The following MMP9 variants were observed in gnomAD, a reference collection of about 807,000 sequenced individuals.
MMP9 encodes the protein matrix metalloproteinase-9.
In MMP9, 73 loss-of-function variants were observed where a neutral mutation model predicts 76.4. That is an observed-to-expected ratio of 0.96 (90% confidence interval 0.79 to 1.16). The LOEUF (loss-of-function observed/expected upper bound fraction) is 1.16. Ranked by LOEUF, MMP9 falls within the 50% of genes most tolerant of loss-of-function variation. The probability of loss-of-function intolerance (pLI) is 0.00; values close to 1 mark genes in which losing one functional copy is unlikely to be tolerated. For synonymous variants in MMP9, 412 were observed against 408.4 expected (o/e 1.01, Z -0.11); for missense variants, 943 against 973.0 (o/e 0.97, Z 0.41).
At position 46,013,429 on chromosome 20, in the gene MMP9, C is replaced by A; in HGVS notation, c.1505C>A (p.Ser502Tyr). ...GPTGPPTAGP[S>Y]TATTVPLSPV... ...ACAGGTCCCCCCACTGCTGGCCCTTCTACGGCCACTACTGTGCCTTTGAGT... is the reference window on the plus strand; with the variant it reads ...ACAGGTCCCCCCACTGCTGGCCCTTATACGGCCACTACTGTGCCTTTGAGT... Residue 502 changes from serine to tyrosine, a missense_variant, in exon 9 of 13, where the codon TCT becomes TAT. By Grantham distance (144) the Ser-to-Tyr change is moderately radical. Transcript: ENST00000372330. The surrounding 1 kb of genome is among the most constrained non-coding windows in gnomAD (Gnocchi z 4.5). 1 of 1,614,028 alleles carries A rather than the reference C, an allele frequency of 6.2e-7. No individual in the cohort carries two copies. Among genetic ancestry groups the A allele is most frequent in the Non-Finnish European group, 8.5e-7 (1 of 1,179,946 alleles).
chr20:46,013,548 G>T lies in MMP9; in HGVS notation c.1610+14G>T. On this transcript the variant is annotated intron_variant, in intron 9 of 12. Transcript: ENST00000372330. This position sits in a 1 kb window ranked among gnomAD's most constrained non-coding sequence, Gnocchi z 4.5. ...GTTCAAGGATGGGTGAGGAGGCGGG[G>T]TTGTGTGGATGCGGGAGGGGGCTTT... The T allele has an allele frequency of 6.2e-7, 1 of 1,613,158 alleles. No homozygotes were observed. Among genetic ancestry groups the T allele is most frequent in the Non-Finnish European group, 8.5e-7 (1 of 1,179,330 alleles).
rs138685704 is a variant in MMP9, at chr20:46,013,725, G to A, written c.1679G>A (p.Trp560Ter). The A allele has an allele frequency of 7.1e-5, 115 of 1,613,774 alleles. No homozygotes were observed. The highest frequency in any genetic ancestry group is 6.9e-5 in the Non-Finnish European group (81 of 1,180,010). The change falls in exon 10 of 13, where the codon TGG (tryptophan) becomes TAG (stop). Residue 560 changes from tryptophan (W) to a stop codon, truncating the protein, a stop_gained. Transcript: ENST00000372330. LOFTEE classifies it high-confidence loss of function. The surrounding 1 kb of genome is among the most constrained non-coding windows in gnomAD (Gnocchi z 4.5). ...PQGPFLIADK[W>*]PALPRKLDSV... The stretch of plus-strand genomic sequence containing the variant: ...GGCCCCTTCCTTATCGCCGACAAGT[G>A]GCCCGCGCTGCCCCGCAAGCTGGAC...
Position 46,009,864 on chromosome 20 carries a change from A to C in MMP9, c.139-2A>C. On this transcript the variant is annotated splice_acceptor_variant, in intron 1 of 12. Coordinates refer to ENST00000372330, the MANE Select transcript of MMP9 (RefSeq NM_004994.3). LOFTEE classifies it high-confidence loss of function. ...GGCATGTGTGTGTCCCTTCATCCAC[A>C]GGAATACCTGTACCGCTATGGTTAC... is the stretch of plus-strand genomic sequence containing the variant. The C allele has an allele frequency of 6.4e-7, 1 of 1,551,682 alleles. No individual in the cohort carries two copies. The highest frequency in any genetic ancestry group is 8.7e-7 in the Non-Finnish European group (1 of 1,146,900).
Position 46,012,153 on chromosome 20 carries a change from G to C in MMP9, c.1014G>C (p.Met338Ile). The C allele has an allele frequency of 2.5e-6, 4 of 1,613,998 alleles. No individual in the cohort carries two copies. Among genetic ancestry groups the C allele is most frequent in the Non-Finnish European group, 3.4e-6 (4 of 1,180,006 alleles). The change falls in exon 7 of 13, where the codon ATG becomes ATC. Residue 338 changes from methionine to isoleucine, a missense_variant. Transcript: ENST00000372330. ...TCTCTCCAGCTGACTCGACGGTGAT[G>C]GGGGGCAACTCGGCGGGGGAGCTGT... ...FCPTRADSTVMGGNSAGELCV... is the reference protein window; with the variant it reads ...FCPTRADSTVIGGNSAGELCV...
At position 46,012,083 on chromosome 20, in the gene MMP9, G is replaced by C; in HGVS notation, c.998-54G>C. On this transcript the variant is annotated intron_variant, in intron 6 of 12. Transcript: ENST00000372330. The stretch of plus-strand genomic sequence containing the variant: ...TTAGCTCCCTGTCGGGTCGGCCCCT[G>C]ACTCCTTATTGGACTCATCCATCTG... 5 of 1,601,032 alleles carry C rather than the reference G, an allele frequency of 3.1e-6. No homozygotes were observed. The Admixed American group carries it at 8.4e-5, about 27-fold the overall frequency.
In MMP9 at chr20:46,011,656, C is replaced by A. The variant is rs146499495; in HGVS notation, c.906C>A (p.Cys302Ter). 9.4e-5 allele frequency: 152 copies of A among 1,614,036 alleles called. No individual in the cohort carries two copies. The highest frequency in any genetic ancestry group is 1.7e-5 in the Admixed American group (1 of 60,010). The change falls in exon 6 of 13, where the codon TGC (cysteine) becomes TGA (stop). Residue 302 changes from cysteine to a stop codon, truncating the protein, a stop_gained. Coordinates refer to ENST00000372330, the MANE Select transcript of MMP9 (RefSeq NM_004994.3). LOFTEE classifies it high-confidence loss of function. ...FIFQGQSYSA[C>*]TTDGRSDGYR... ...TCCAAGGCCAATCCTACTCCGCCTG[C>A]ACCACGGACGGTCGCTCCGACGGCT...
At position 46,011,167 on chromosome 20, in the gene MMP9, C is replaced by A. The variant is rs2084276266; in HGVS notation, c.674C>A (p.Ala225Glu). 6.2e-7 allele frequency: 1 copy of A among 1,614,142 alleles called. No individual in the cohort carries two copies. The highest frequency in any genetic ancestry group is 8.5e-7 in the Non-Finnish European group (1 of 1,180,038). ...GVVVPTRFGNADGAACHFPFI... is the reference protein window; with the variant it reads ...GVVVPTRFGNEDGAACHFPFI... Reference sequence around the variant, plus strand: ...GTGGTTCCAACTCGGTTTGGAAACGCAGATGGCGCGGCCTGCCACTTCCCC... The same window carrying A: ...GTGGTTCCAACTCGGTTTGGAAACGAAGATGGCGCGGCCTGCCACTTCCCC... Residue 225 changes from alanine to glutamate, a missense_variant, in exon 5 of 13, where the codon GCA becomes GAA. Transcript: ENST00000372330.
In MMP9 at chr20:46,014,349, TCTC is replaced by T. The variant is rs373383952; in HGVS notation, c.1902-17_1902-15del. The T allele has an allele frequency of 5.8e-6, 9 of 1,545,216 alleles. No homozygotes were observed. In the East Asian group the frequency reaches 2.2e-4, roughly 38 times the overall value. On this transcript the variant is annotated intron_variant, in intron 11 of 12. Coordinates refer to ENST00000372330, the MANE Select transcript of MMP9 (RefSeq NM_004994.3). ...CGTCCGCTAGCCGGCTCAGCACCTGTCTCCTCCGCGCCTGCCCGCAGGTTCGAC... is the reference window on the plus strand; with the variant it reads ...CGTCCGCTAGCCGGCTCAGCACCTGTCTCCGCGCCTGCCCGCAGGTTCGAC...
chr20:46,012,086 T>A, intron 6 of MMP9, 51 bp from the exon 7 acceptor site: 1 of 1,602,434 alleles, frequency 6.2e-7, no homozygotes, highest in South Asian at 1.1e-5. Context: ...GGCCCCTGAC[T>A]CCTTATTGGA....
intron 2 of MMP9, 74 bp from the exon 3 acceptor site, chr20:46,010,409 C>A: frequency 2.0e-6 from 3 of 1,512,862 alleles, no homozygotes; most frequent in Non-Finnish European, 1.8e-6. Flanking sequence ...GAAGTCTCTG[C>A]GATATGGGGT....
Position 46,013,242 on chromosome 20 carries a change from T to C in MMP9, c.1331-13T>C, listed in dbSNP as rs371578913. On this transcript the variant is annotated splice_polypyrimidine_tract_variant and intron_variant, in intron 8 of 12. Coordinates refer to ENST00000372330, the MANE Select transcript of MMP9 (RefSeq NM_004994.3). The surrounding 1 kb of genome is among the most constrained non-coding windows in gnomAD (Gnocchi z 4.5). ...CAGGAATAGGAAGAGTCTCACCCCG[T>C]GTCTCTTTTTAGGTCCTCGCCCTGA... The C allele has an allele frequency of 6.2e-6, 10 of 1,613,860 alleles. No individual in the cohort carries two copies. In the African/African-American group the frequency reaches 1.2e-4, roughly 19 times the overall value.
intron 10 of MMP9, 60 bp from the exon 11 acceptor site, chr20:46,014,064 G>A (rs936678519): frequency 1.4e-5 from 22 of 1,531,646 alleles, no homozygotes; most frequent in Admixed American, 3.9e-5. Context: ...CCCTCCTCGC[G>A]TTCTAGGAGT....
intron 1 of MMP9, among the ~76,000 whole-genome samples, chr20:46,009,322 T>C (rs1167090462): frequency 6.6e-6 from 1 of 151,184 alleles, no homozygotes; most frequent in African/African-American, 2.4e-5. Context: ...CATTGGAGGG[T>C]TCTGGGGTAA....
intron 5 of MMP9, 42 bp downstream of exon 5, chr20:46,011,358 C>G: frequency 6.3e-7 from 1 of 1,591,928 alleles, no homozygotes; most frequent in Non-Finnish European, 8.5e-7. Context: ...CGCCCACCAC[C>G]CTTGATGGTC....
chr20:46,013,575 C>T lies in MMP9; in HGVS notation c.1610+41C>T, dbSNP rs961763071. 1.9e-6 allele frequency: 3 copies of T among 1,610,962 alleles called. No individual in the cohort carries two copies. Among genetic ancestry groups the T allele is most frequent in the Admixed American group, 3.3e-5 (2 of 59,832 alleles). ...TGTGTGGATGCGGGAGGGGGCTTTG[C>T]GGAGGGGCTGCCCGTCCCTTCCCGC... On this transcript the variant is annotated intron_variant, in intron 9 of 12. Transcript: ENST00000372330. This position sits in a 1 kb window ranked among gnomAD's most constrained non-coding sequence, Gnocchi z 4.5.
At chr20:46,014,074 T>C (rs1315874513) in intron 10 of MMP9, 50 bp from the exon 11 acceptor site, 5 of 1,533,086 alleles carry the variant, frequency 3.3e-6, no homozygotes, top group Non-Finnish European at 4.4e-6. Context: ...GTTCTAGGAG[T>C]ACGTGCTCCC....
At chr20:46,010,132 C>CGGGGGGGGGGGGG in intron 2 of MMP9, 34 bp downstream of exon 2, 3 of 850,750 alleles carry the variant, frequency 3.5e-6, no homozygotes, top group Non-Finnish European at 5.5e-6. Context: ...CGGGGTGGGG[C>CGGGGGGGGGGGGG]GGGGAGGCCA....
In MMP9 at chr20:46,009,781, T is replaced by C. The variant is rs2084263383; in HGVS notation, c.139-85T>C. On this transcript the variant is annotated intron_variant, in intron 1 of 12. Coordinates refer to ENST00000372330, the MANE Select transcript of MMP9 (RefSeq NM_004994.3). The stretch of plus-strand genomic sequence containing the variant: ...AGAAAAAGAAAAAAGACTCCCTCCA[T>C]GAGTGTCTGGAGGGAGTCCTTTGGC... 2.7e-6 allele frequency: 3 copies of C among 1,129,492 alleles called. No individual in the cohort carries two copies. In the African/African-American group the frequency reaches 4.6e-5, roughly 17 times the overall value. 70.0% of individuals were successfully genotyped at this position (1,129,492 alleles called of 1,614,324 possible).
In MMP9 at chr20:46,009,866, G is replaced by A. The variant is rs150576883; in HGVS notation, c.139G>A (p.Glu47Lys). Residue 47 changes from glutamate (E) to lysine (K), a missense_variant and splice_region_variant, in exon 2 of 13, where the codon GAA becomes AAA. Coordinates refer to ENST00000372330, the MANE Select transcript of MMP9 (RefSeq NM_004994.3). ...TNLTDRQLAEEYLYRYGYTRV... is the reference protein window; with the variant it reads ...TNLTDRQLAEKYLYRYGYTRV... ...CATGTGTGTGTCCCTTCATCCACAGGAATACCTGTACCGCTATGGTTACAC... is the reference window on the plus strand; with the variant it reads ...CATGTGTGTGTCCCTTCATCCACAGAAATACCTGTACCGCTATGGTTACAC... 15 of 1,551,736 alleles carry A rather than the reference G, an allele frequency of 9.7e-6. No individual in the cohort carries two copies. The highest frequency in any genetic ancestry group is 1.2e-5 in the Non-Finnish European group (14 of 1,146,956).
Sources: gnomAD v4.1 joint callset for allele counts (sites outside exome capture counted in the v4.1 genomes callset) on GRCh38, gnomAD v4.1.1 for gene constraint, Gnocchi (gnomAD v3.1) non-coding constraint, MANE v1.5 for transcripts, NCBI Gene and HGNC (gene_info 2026-07-23, HGNC 2026-07-21) for gene names.